The following LIMCH1 variants were observed in gnomAD, a reference collection of about 807,000 sequenced individuals.
The protein encoded by LIMCH1 is LIM and calponin homology domains-containing protein 1.
LIMCH1 carries 113 observed loss-of-function variants against 176.5 expected under a neutral mutation model. The ratio of observed to expected loss-of-function variants is 0.64; its 90% CI spans 0.55 to 0.75. The LOEUF (loss-of-function observed/expected upper bound fraction) is 0.75. Among genes scored for constraint, LIMCH1 ranks in the 30% least tolerant of loss-of-function variants. The pLI, the probability that LIMCH1 is intolerant of heterozygous loss-of-function variation, is 0.00. For synonymous variants in LIMCH1, 619 were observed against 645.9 expected, an observed-to-expected ratio of 0.96 and a Z score of 0.63; for missense variants, 1,674 against 1,814.9, an observed-to-expected ratio of 0.92 and a Z score of 1.41.
upstream of LIMCH1, among the ~76,000 whole-genome samples, chr4:41,536,655 A>G (rs1286865982): frequency 5.9e-5 from 9 of 152,214 alleles, no homozygotes; most frequent in Admixed American, 5.2e-4. Flanking sequence ...ATCCCCAGCC[A>G]TGGAAAGAAT....
At chr4:41,551,026 G>A (rs1330197841) in intron 1 of LIMCH1, 2 of 152,096 alleles carry the variant, frequency 1.3e-5, no homozygotes, top group African/African-American at 2.4e-5. Flanking sequence ...TAACATCTAG[G>A]TTTAAAAGAA....
At chr4:41,691,139 G>A (rs926486654) in intron 30 of LIMCH1, among the ~76,000 whole-genome samples, 1 of 152,020 alleles carries the variant, frequency 6.6e-6, no homozygotes, top group African/African-American at 2.4e-5. Flanking sequence ...TTCACTTCCT[G>A]GAGCTGGCCT....
intron 1 of LIMCH1, among the ~76,000 whole-genome samples, chr4:41,384,635 A>G (rs953491559): frequency 2.0e-5 from 3 of 152,238 alleles, no homozygotes; most frequent in African/African-American, 4.8e-5. Context: ...GGTTGGGCAC[A>G]TGGCAGTGGC....
chr4:41,659,739 A>G (rs2094558871), intron 18 of LIMCH1, among the ~76,000 whole-genome samples: 1 of 152,152 alleles, frequency 6.6e-6, no homozygotes, highest in African/African-American at 2.4e-5. Context: ...GCTTTTTACA[A>G]GAAACTTCTA....
intron 18 of LIMCH1, among the ~76,000 whole-genome samples, 155 bp from the exon 19 acceptor site, chr4:41,661,265 A>G (rs1473387960): frequency 6.6e-6 from 1 of 152,204 alleles, no homozygotes; most frequent in South Asian, 2.1e-4. Context: ...CCTTCCAACC[A>G]ATCCAGGCTC....
rs1582684358 is a variant in LIMCH1 at position 41,467,203 on chromosome 4, A to T, written c.97-27333A>T. On this transcript the variant is annotated intron_variant, in intron 1 of 26. Coordinates refer to the LIMCH1 transcript ENST00000313860. Reference sequence around the variant, plus strand: ...CACACACACACACACACACACACACACATTTTATTTATCCATGCATCCATC... The same window carrying T: ...CACACACACACACACACACACACACTCATTTTATTTATCCATGCATCCATC... 9.2e-5 allele frequency among the ~76,000 whole-genome samples: 13 copies of T among 141,794 alleles called. No homozygotes were observed. The South Asian group carries it at 2.9e-3, about 32-fold the overall frequency. The allele number at this position is 141,794 out of a possible 152,430, so 93.0% of individuals were successfully genotyped here. A position where few individuals can be genotyped will look rare whatever the true frequency, so the allele number is the denominator to read the frequency against.
chr4:41,529,683 A>G lies in LIMCH1; in HGVS notation c.237+5205A>G, dbSNP rs151023717. On this transcript the variant is annotated intron_variant, in intron 3 of 26. Transcript: ENST00000313860. ...CTGTTCCCAGTTGAAGATGGGACAC[A>G]TTTTAATGACATTTTATTTTACCTT... Among the ~76,000 whole-genome samples the G allele has an allele frequency of 1.8e-3, 268 of 152,306 alleles. 2 individuals are homozygous for G. The highest frequency in any genetic ancestry group is 2.9e-3 in the Non-Finnish European group (200 of 68,038).
In LIMCH1 at chr4:41,619,330, T is replaced by A. The variant is rs1432041433; in HGVS notation, c.348T>A (p.Asn116Lys). The change falls in exon 6 of 32, where the codon AAT becomes AAA. Residue 116 changes from asparagine (N) to lysine (K), a missense_variant. By Grantham distance (94) the Asn-to-Lys change is moderately conservative (BLOSUM62 0). Transcript: ENST00000503057. ...PFNQYLPNKS[N>K]QTAYVPAPLR... is the part of the protein sequence containing the mutation. ...ACCAGTACCTCCCGAACAAAAGCAA[T>A]CAGACGGCCTACGTCCCCGCGCCTC... 6.2e-7 allele frequency: 1 copy of A among 1,614,060 alleles called. No individual in the cohort carries two copies. The highest frequency in any genetic ancestry group is 8.5e-7 in the Non-Finnish European group (1 of 1,180,008).
chr4:41,620,632 C>A lies in LIMCH1; in HGVS notation c.667C>A (p.Arg223Ser). 1 of 1,536,146 alleles carries A rather than the reference C, an allele frequency of 6.5e-7. No individual in the cohort carries two copies. The highest frequency in any genetic ancestry group is 8.7e-7 in the Non-Finnish European group (1 of 1,146,918). The stretch of plus-strand genomic sequence containing the variant: ...AAAAGATGCTGCTGAGATCCAAAAG[C>A]GCAAAAGGCTAGAGCAAGCTGGAAT... ...EEKDAAEIQKRKRLEQAGIKV... is the reference protein window; with the variant it reads ...EEKDAAEIQKSKRLEQAGIKV... The change falls in exon 7 of 32, where the codon CGC becomes AGC. Residue 223 changes from arginine to serine, a missense_variant. By Grantham distance (110) the Arg-to-Ser change is moderately radical. Around this residue, in one of 3 missense-constraint regions of LIMCH1, gnomAD observed 655 missense variants for 692.2 expected, o/e 0.95. Transcript: ENST00000503057.
At chr4:41,644,828 A>G (rs1372573921) in intron 15 of LIMCH1, among the ~76,000 whole-genome samples, 1 of 152,158 alleles carries the variant, frequency 6.6e-6, no homozygotes, top group Non-Finnish European at 1.5e-5. Context: ...ACATGTAATC[A>G]GCAAACACCC....
chr4:41,375,509 T>A (rs888765149), intron 1 of LIMCH1, among the ~76,000 whole-genome samples: 2 of 152,206 alleles, frequency 1.3e-5, no homozygotes, highest in Admixed American at 6.5e-5. Flanking sequence ...TTTAAAAAAA[T>A]GTTATAAATT....
intron 1 of LIMCH1, among the ~76,000 whole-genome samples, chr4:41,371,586 T>C (rs1413994134): frequency 1.3e-5 from 2 of 152,170 alleles, no homozygotes; most frequent in Non-Finnish European, 2.9e-5. Flanking sequence ...CCAGGCACCG[T>C]TAGTTCTTTG....
intron 6 of LIMCH1, 116 bp from the exon 7 acceptor site, chr4:41,620,308 G>A: frequency 9.9e-7 from 1 of 1,012,156 alleles, no homozygotes; most frequent in Non-Finnish European, 1.4e-6. Flanking sequence ...TATATTGTGT[G>A]CTATGACTTT....
intron 1 of LIMCH1, among the ~76,000 whole-genome samples, chr4:41,557,956 C>T (rs1365725671): frequency 6.6e-6 from 1 of 151,934 alleles, no homozygotes; most frequent in Non-Finnish European, 1.5e-5. Flanking sequence ...TCCTCTGAAA[C>T]TTGATGTCCA....
chr4:41,629,416 T>G, intron 8 of LIMCH1, 76 bp from the exon 9 acceptor site: 4 of 1,483,866 alleles, frequency 2.7e-6, no homozygotes, highest in Non-Finnish European at 3.6e-6. Flanking sequence ...TTTCCATGCT[T>G]GACATTCTCT....
intron 21 of LIMCH1, chr4:41,671,080 A>C: frequency 2.7e-6 from 2 of 740,478 alleles, no homozygotes; most frequent in South Asian, 6.2e-5. Context: ...AAAAGATTAA[A>C]AGCATTTACC....
At chr4:41,549,543 A>G (rs2080089353) in intron 1 of LIMCH1, among the ~76,000 whole-genome samples, 1 of 152,168 alleles carries the variant, frequency 6.6e-6, no homozygotes, top group Non-Finnish European at 1.5e-5. Context: ...TAGGAACAAT[A>G]TAATAGTACC....
intron 1 of LIMCH1, among the ~76,000 whole-genome samples, chr4:41,411,688 TG>T (rs142111479): frequency 0.57 from 85,843 of 150,620 alleles, 27,721 homozygotes; most frequent in East Asian, 0.82. Context: ...AGGCTGGGTG[TG>T]GTGGCTCACG....
chr4:41,634,719 C>T (rs779918873), intron 13 of LIMCH1, among the ~76,000 whole-genome samples: 1 of 152,198 alleles, frequency 6.6e-6, no homozygotes, highest in Non-Finnish European at 1.5e-5. Context: ...TGTCTGCTCC[C>T]TCAAGCTCAC....
Sources: allele counts gnomAD v4.1 joint callset (sites outside exome capture counted in the v4.1 genomes callset), GRCh38; gene constraint gnomAD v4.1.1; regional missense constraint gnomAD v4.1.1; transcripts MANE v1.5; gene names NCBI Gene and HGNC (gene_info 2026-07-23, HGNC 2026-07-21).